The following DRC1 variants were observed in gnomAD, a reference collection of about 807,000 sequenced individuals.
DRC1 encodes dynein regulatory complex protein 1.
Under a neutral mutation model 98.7 loss-of-function variants are expected in DRC1, and 74 were observed. That is an observed-to-expected ratio of 0.75 (90% CI 0.62 to 0.91). The LOEUF is 0.91. Among genes scored for constraint, DRC1 ranks in the 40% least tolerant of loss-of-function variants. The pLI is 0.00. For missense variants in DRC1, 875 were observed against 886.0 expected (o/e 0.99, Z 0.16); for synonymous variants, 336 against 334.1 (o/e 1.01, Z -0.06).
intron 2 of DRC1, among the ~76,000 whole-genome samples, chr2:26,416,829 T>C (rs1190524727): frequency 6.6e-6 from 1 of 152,206 alleles, no homozygotes; most frequent in Admixed American, 6.5e-5. Context: ...TACTTGAGAC[T>C]GGATAATTTA....
chr2:26,424,204 G>A, intron 3 of DRC1, 67 bp from the exon 4 acceptor site: 12 of 1,580,958 alleles, frequency 7.6e-6, no homozygotes, highest in South Asian at 1.2e-5. Context: ...TCTAGAGAAC[G>A]TACCTGCTCT....
intron 2 of DRC1, among the ~76,000 whole-genome samples, chr2:26,417,423 G>A (rs1678847184): frequency 6.6e-6 from 1 of 151,968 alleles, no homozygotes; most frequent in Admixed American, 6.6e-5. Context: ...CCGCCTCCTG[G>A]GTTCAAGTCA....
rs540641492 is a variant in DRC1 at position 26,453,443 on chromosome 2, G to A, written c.1813G>A (p.Gly605Arg). Residue 605 changes from glycine (G) to arginine (R), a missense_variant, in exon 14 of 17, where the codon GGG (glycine) becomes AGG (arginine). Gly to Arg is a moderately radical substitution (Grantham distance 125). Transcript: ENST00000288710. The part of the protein sequence containing the change: ...EGEKEESLVE[G>R]EKEEEEETPP... ...AGAAAAGGAAGAAAGCCTGGTGGAA[G>A]GGGAGAAGGAGGAAGAGGAGGAGAC... The A allele has an allele frequency of 4.3e-6, 7 of 1,614,168 alleles. No individual in the cohort carries two copies. The highest frequency in any genetic ancestry group is 1.6e-4 in the Middle Eastern group (1 of 6,062).
At chr2:26,451,824 G>A (rs1211077626) in intron 13 of DRC1, among the ~76,000 whole-genome samples, 4 of 152,146 alleles carry the variant, frequency 2.6e-5, no homozygotes, top group Non-Finnish European at 4.4e-5. Context: ...ATCATGATAA[G>A]CAAAGTTAAG....
intron 4 of DRC1, among the ~76,000 whole-genome samples, chr2:26,425,232 T>C (rs983118695): frequency 2.6e-5 from 4 of 152,218 alleles, no homozygotes; most frequent in Non-Finnish European, 5.9e-5. Flanking sequence ...ATGGACTTCG[T>C]TGTAGCACGT....
intron 1 of DRC1, among the ~76,000 whole-genome samples, chr2:26,407,782 C>G (rs1237944288): frequency 1.3e-5 from 2 of 152,080 alleles, no homozygotes; most frequent in Non-Finnish European, 2.9e-5. Flanking sequence ...AGATCCTGGA[C>G]TTGTGCCCTA....
At chr2:26,450,498 G>A in intron 12 of DRC1, 94 bp from the exon 13 acceptor site, 2 of 1,144,366 alleles carry the variant, frequency 1.7e-6, no homozygotes, top group Non-Finnish European at 1.3e-6. Flanking sequence ...CACAAGCCAA[G>A]CCTCCCGCTC....
At chr2:26,433,860 T>A (rs1328748267) in intron 7 of DRC1, among the ~76,000 whole-genome samples, 1 of 152,090 alleles carries the variant, frequency 6.6e-6, no homozygotes, top group Non-Finnish European at 1.5e-5. Context: ...AGCCTTTGCG[T>A]CCTAGTTCTT....
intron 8 of DRC1, 63 bp downstream of exon 8, chr2:26,440,580 G>C: frequency 6.7e-7 from 1 of 1,498,080 alleles, no homozygotes; most frequent in South Asian, 1.5e-5. Flanking sequence ...GGATGGATAT[G>C]TACTTTTTTC....
intron 7 of DRC1, 54 bp downstream of exon 7, chr2:26,432,060 A>T: frequency 1.3e-6 from 2 of 1,580,856 alleles, no homozygotes; most frequent in East Asian, 4.5e-5. Flanking sequence ...GATGGTGAAC[A>T]CCTGTGAATG....
chr2:26,424,103 C>T (rs112735659), intron 3 of DRC1, among the ~76,000 whole-genome samples, 168 bp from the exon 4 acceptor site: 4 of 152,146 alleles, frequency 2.6e-5, no homozygotes, highest in Admixed American at 6.5e-5. Flanking sequence ...TACAGTCAAG[C>T]GTTAAACGAA....
intron 1 of DRC1, among the ~76,000 whole-genome samples, chr2:26,403,495 G>A (rs1257228167): frequency 1.3e-5 from 2 of 152,048 alleles, no homozygotes; most frequent in Admixed American, 6.5e-5. Context: ...ATTTAAAATT[G>A]TAAAAACCAT....
intron 9 of DRC1, 138 bp from the exon 10 acceptor site, chr2:26,444,578 G>T: frequency 1.9e-6 from 2 of 1,029,018 alleles, no homozygotes; most frequent in African/African-American, 3.2e-5. Context: ...ATCGTAAGTG[G>T]GAATCAGCCG....
intron 13 of DRC1, among the ~76,000 whole-genome samples, chr2:26,451,501 C>T (rs968716447): frequency 1.3e-5 from 2 of 152,062 alleles, no homozygotes; most frequent in Non-Finnish European, 2.9e-5. Flanking sequence ...AGCTGAGTAT[C>T]CTGACATGCC....
chr2:26,404,112 T>A, intron 1 of DRC1, among the ~76,000 whole-genome samples: 1 of 151,414 alleles, frequency 6.6e-6, no homozygotes, highest in African/African-American at 2.4e-5. Flanking sequence ...AAAAAAAAAA[T>A]TGTAAAAATC....
chr2:26,428,844 T>C (rs1175379046), intron 4 of DRC1, among the ~76,000 whole-genome samples: 2 of 152,108 alleles, frequency 1.3e-5, no homozygotes, highest in Admixed American at 1.3e-4. Context: ...CACTGTCGTA[T>C]ATGTGGTCCA....
intron 5 of DRC1, 124 bp downstream of exon 5, chr2:26,429,889 C>A: frequency 9.4e-7 from 1 of 1,062,756 alleles, no homozygotes; most frequent in Non-Finnish European, 1.3e-6. Context: ...TCTGTTTCTG[C>A]TCTCAGGTTT....
chr2:26,429,938 A>G (rs999320157), intron 5 of DRC1, among the ~76,000 whole-genome samples, 173 bp downstream of exon 5: 7 of 152,202 alleles, frequency 4.6e-5, no homozygotes, highest in African/African-American at 1.7e-4. Context: ...TGACAAGTAC[A>G]TATCAAGTGT....
chr2:26,440,505 G>A lies in DRC1; in HGVS notation c.1016G>A (p.Arg339Lys), dbSNP rs1663691899. The change falls in exon 8 of 17, where the codon AGG (arginine) becomes AAG (lysine). Residue 339 changes from arginine to lysine, a missense_variant. Transcript: ENST00000288710. ...ESTVIKSQQK[R>K]KINRLHDILN... ...ACAGTAATTAAATCCCAGCAGAAGAGGAAGATCAATCGGTAAGCTAGCATG... is the reference window on the plus strand; with the variant it reads ...ACAGTAATTAAATCCCAGCAGAAGAAGAAGATCAATCGGTAAGCTAGCATG... The A allele has an allele frequency of 3.1e-6, 5 of 1,610,160 alleles. No homozygotes were observed. Among genetic ancestry groups the A allele is most frequent in the Non-Finnish European group, 4.2e-6 (5 of 1,177,800 alleles).
Sources: gnomAD v4.1 joint callset for allele counts (sites outside exome capture counted in the v4.1 genomes callset) on GRCh38, gnomAD v4.1.1 for gene constraint, MANE v1.5 for transcripts, NCBI Gene and HGNC (gene_info 2026-07-23, HGNC 2026-07-21) for gene names.